Variants in TTC28 observed in about 807,000 individuals in gnomAD.
TTC28 encodes the protein tetratricopeptide repeat domain 28, also known as tetratricopeptide repeat protein 28.
Under a neutral mutation model 198.0 loss-of-function variants are expected in TTC28, and 61 were observed. That is an observed-to-expected ratio of 0.31 (90% CI 0.25 to 0.38). TTC28 has a LOEUF of 0.38. Among genes scored for constraint, TTC28 ranks in the 10% least tolerant of loss-of-function variants. TTC28 has a pLI of 1.00. For missense variants in TTC28, 2,678 were observed against 3,164.0 expected (o/e 0.85, Z 3.69); for synonymous variants, 1,171 against 1,297.8 (o/e 0.90, Z 2.10).
At chr22:28,058,618 G>A (rs771914736) in intron 12 of TTC28, among the ~76,000 whole-genome samples, 3 of 151,988 alleles carry the variant, frequency 2.0e-5, no homozygotes, top group Non-Finnish European at 4.4e-5. Flanking sequence ...TGGTATTAGG[G>A]TTATAATACA....
chr22:28,475,281 G>A (rs1049222309), intron 2 of TTC28, among the ~76,000 whole-genome samples: 1 of 152,040 alleles, frequency 6.6e-6, no homozygotes, highest in African/African-American at 2.4e-5. Flanking sequence ...AGCAGCTAAG[G>A]TCACAAGGCA....
At chr22:28,147,959 T>G (rs563768258) in intron 6 of TTC28, among the ~76,000 whole-genome samples, 33 of 152,356 alleles carry the variant, frequency 2.2e-4, no homozygotes, top group African/African-American at 7.7e-4. Flanking sequence ...AATAGACTAT[T>G]AAGTTCATGT....
chr22:28,545,482 G>C (rs570900056), intron 2 of TTC28, among the ~76,000 whole-genome samples: 41 of 152,120 alleles, frequency 2.7e-4, no homozygotes, highest in Non-Finnish European at 4.3e-4. Context: ...GTGAGGCTGA[G>C]GCAGGAGGAT....
chr22:28,527,698 C>T (rs1227917379), intron 2 of TTC28, among the ~76,000 whole-genome samples: 1 of 152,096 alleles, frequency 6.6e-6, no homozygotes, highest in Non-Finnish European at 1.5e-5. Context: ...TGCAGTGGCA[C>T]AAACACAGCT....
chr22:28,453,840 C>T (rs185295219), intron 2 of TTC28, among the ~76,000 whole-genome samples: 4 of 152,282 alleles, frequency 2.6e-5, no homozygotes, highest in Non-Finnish European at 5.9e-5. Flanking sequence ...TTGTACATTT[C>T]CCCCTGCTTA....
chr22:28,641,335 T>G (rs1016431304), intron 1 of TTC28, among the ~76,000 whole-genome samples: 6 of 150,096 alleles, frequency 4.0e-5, no homozygotes, highest in Admixed American at 1.3e-4. Context: ...AAAAAAAAAA[T>G]AAAGAAATGA....
At chr22:28,211,305 G>C (rs1371047712) in intron 5 of TTC28, among the ~76,000 whole-genome samples, 2 of 152,060 alleles carry the variant, frequency 1.3e-5, no homozygotes, top group Non-Finnish European at 2.9e-5. Flanking sequence ...ATGTAAATGG[G>C]TTAAATGCTC....
chr22:28,174,700 G>A (rs1004484313), intron 5 of TTC28, among the ~76,000 whole-genome samples: 5 of 152,040 alleles, frequency 3.3e-5, no homozygotes, highest in Non-Finnish European at 4.4e-5. Context: ...ATGACACAGC[G>A]AAACCCCATA....
At chr22:28,289,639 C>T (rs1373644663) in intron 5 of TTC28, among the ~76,000 whole-genome samples, 2 of 151,938 alleles carry the variant, frequency 1.3e-5, no homozygotes, top group Admixed American at 6.6e-5. Flanking sequence ...TTAAGGCCAC[C>T]GTGCACTATG....
chr22:28,511,346 T>C (rs948997260), intron 2 of TTC28, among the ~76,000 whole-genome samples: 2 of 151,986 alleles, frequency 1.3e-5, no homozygotes, highest in Non-Finnish European at 2.9e-5. Flanking sequence ...AACTCAGAAA[T>C]AAGCCTGCAC....
intron 2 of TTC28, among the ~76,000 whole-genome samples, chr22:28,425,404 TGA>T (rs1465156777): frequency 6.6e-6 from 1 of 152,208 alleles, no homozygotes; most frequent in Non-Finnish European, 1.5e-5. Flanking sequence ...GTTGGGCATA[TGA>T]GAGAAGATGA....
chr22:28,598,443 A>G (rs1230326830), intron 2 of TTC28, among the ~76,000 whole-genome samples: 1 of 137,682 alleles, frequency 7.3e-6, no homozygotes, highest in Non-Finnish European at 1.5e-5. Context: ...CAGGAGGCAG[A>G]GCTTGCAGTG....
chr22:28,409,581 T>C (rs931650694), intron 2 of TTC28, among the ~76,000 whole-genome samples: 2 of 149,910 alleles, frequency 1.3e-5, no homozygotes, highest in Non-Finnish European at 3.0e-5. Flanking sequence ...ATATAACATA[T>C]ATAAAAAACA....
Position 28,075,949 on chromosome 22 carries a change from T to A in TTC28, c.3932+18131A>T, listed in dbSNP as rs568249781. Among the ~76,000 whole-genome samples, 42 of 152,334 alleles carry A rather than the reference T, an allele frequency of 2.8e-4. No individual in the cohort carries two copies. The East Asian group carries it at 7.9e-3, about 29-fold the overall frequency. On this transcript the variant is annotated intron_variant, in intron 12 of 22. Transcript: ENST00000397906. Reference sequence around the variant, plus strand: ...CTACTGTAAGGCCAAGAATTCCAGCTATTATTCATGCATATATCTCCAGGC... The same window carrying A: ...CTACTGTAAGGCCAAGAATTCCAGCAATTATTCATGCATATATCTCCAGGC...
intron 12 of TTC28, among the ~76,000 whole-genome samples, chr22:28,085,388 A>G (rs1219897489): frequency 1.3e-5 from 2 of 152,190 alleles, no homozygotes; most frequent in Non-Finnish European, 2.9e-5. Context: ...TTTTCAACCC[A>G]GAATTTCATA....
intron 6 of TTC28, among the ~76,000 whole-genome samples, chr22:28,117,677 A>G (rs1942670059): frequency 6.6e-6 from 1 of 152,214 alleles, no homozygotes; most frequent in Non-Finnish European, 1.5e-5. Context: ...GAAGTCTACT[A>G]CAATCTTTGC....
At chr22:28,199,756 T>C (rs992115194) in intron 5 of TTC28, among the ~76,000 whole-genome samples, 1 of 151,728 alleles carries the variant, frequency 6.6e-6, no homozygotes, top group Non-Finnish European at 1.5e-5. Flanking sequence ...CCCTGACCTC[T>C]ACCCACTAGA....
At chr22:28,121,925 T>TG in intron 6 of TTC28, among the ~76,000 whole-genome samples, 1 of 152,364 alleles carries the variant, frequency 6.6e-6, no homozygotes, top group South Asian at 2.1e-4. Context: ...TGGAATACAG[T>TG]GGCACGATCT....
At chr22:28,583,650 A>T (rs1221197209) in intron 2 of TTC28, among the ~76,000 whole-genome samples, 1 of 152,220 alleles carries the variant, frequency 6.6e-6, no homozygotes, top group East Asian at 1.9e-4. Context: ...TCAGGAACTT[A>T]AAACATTAAT....
Sources: gnomAD v4.1 joint callset for allele counts (sites outside exome capture counted in the v4.1 genomes callset) on GRCh38, gnomAD v4.1.1 for gene constraint, MANE v1.5 for transcripts, NCBI Gene and HGNC (gene_info 2026-07-23, HGNC 2026-07-21) for gene names.